FNIP1: variants seen among roughly 807,000 people sequenced by gnomAD.
FNIP1 encodes the protein folliculin-interacting protein 1.
FNIP1 carries 40 observed loss-of-function variants against 124.5 expected under a neutral mutation model. That is an observed-to-expected ratio of 0.32 (90% CI 0.25 to 0.42). FNIP1 has a LOEUF of 0.42. Ranked by LOEUF, FNIP1 falls within the 10% of genes least tolerant of loss-of-function variation. FNIP1 has a pLI of 1.00. For missense variants in FNIP1, 1,176 were observed against 1,403.7 expected (o/e 0.84, Z 2.59); for synonymous variants, 472 against 470.6 (o/e 1.00, Z -0.04).
intron 1 of FNIP1, among the ~76,000 whole-genome samples, chr5:131,790,714 A>G (rs1772381817): frequency 6.6e-6 from 1 of 152,246 alleles, no homozygotes; most frequent in African/African-American, 2.4e-5. Context: ...ACAAAGTTAC[A>G]GTCAGACCTA....
intron 3 of FNIP1, among the ~76,000 whole-genome samples, chr5:131,725,894 T>C (rs902695181): frequency 3.3e-5 from 5 of 152,092 alleles, no homozygotes; most frequent in African/African-American, 7.2e-5. Context: ...TTATTGAGAG[T>C]TTTTAGCATG....
chr5:131,711,454 G>C (rs1769288440), intron 6 of FNIP1, among the ~76,000 whole-genome samples: 3 of 152,226 alleles, frequency 2.0e-5, no homozygotes, highest in Admixed American at 1.3e-4. Context: ...AACTAGGATG[G>C]AATACGGGGC....
chr5:131,701,508 A>C (rs1768899082), intron 10 of FNIP1, among the ~76,000 whole-genome samples: 1 of 152,196 alleles, frequency 6.6e-6, no homozygotes, highest in African/African-American at 2.4e-5. Context: ...AAGAAATGTA[A>C]TCAGTGTCTA....
chr5:131,719,309 C>T lies in FNIP1; in HGVS notation c.455+8G>A. 6.3e-7 allele frequency: 1 copy of T among 1,584,894 alleles called. No individual in the cohort carries two copies. Among genetic ancestry groups the T allele is most frequent in the South Asian group, 1.2e-5 (1 of 85,524 alleles). On this transcript the variant is annotated splice_region_variant and intron_variant, in intron 4 of 17. Transcript: ENST00000510461. ...GACTCGTTAAAAAAAAATCAGAAAA[C>T]CTCTCACCGAATCTGATGAATTTTT...
intron 17 of FNIP1, among the ~76,000 whole-genome samples, chr5:131,645,669 C>T (rs1441362447): frequency 1.3e-5 from 2 of 152,106 alleles, no homozygotes; most frequent in African/African-American, 2.4e-5. Context: ...GGCCCTTTAA[C>T]CAAAAATTCT....
Position 131,710,676 on chromosome 5 carries a change from C to T in FNIP1, c.623-15G>A, listed in dbSNP as rs747734696. On this transcript the variant is annotated splice_polypyrimidine_tract_variant and intron_variant, in intron 6 of 17. Transcript: ENST00000510461. Reference sequence around the variant, plus strand: ...CTGTGAAAGACCTACATGGCAAAAACGTAAAATACACATGAAAGAGGACTG... The same window carrying T: ...CTGTGAAAGACCTACATGGCAAAAATGTAAAATACACATGAAAGAGGACTG... 11 of 1,611,080 alleles carry T rather than the reference C, an allele frequency of 6.8e-6. No individual in the cohort carries two copies. Among genetic ancestry groups the T allele is most frequent in the South Asian group, 3.3e-5 (3 of 90,572 alleles).
intron 9 of FNIP1, among the ~76,000 whole-genome samples, chr5:131,705,930 T>G (rs1438980685): frequency 2.0e-5 from 3 of 152,226 alleles, no homozygotes; most frequent in Non-Finnish European, 4.4e-5. Context: ...AGGAATGAAT[T>G]TCTGACACAT....
chr5:131,779,194 G>A (rs566675521), intron 1 of FNIP1, among the ~76,000 whole-genome samples: 81 of 150,388 alleles, frequency 5.4e-4, no homozygotes, highest in African/African-American at 1.8e-3. Flanking sequence ...TCCAAAATAT[G>A]GAACATTCTA....
intron 1 of FNIP1, among the ~76,000 whole-genome samples, chr5:131,790,643 A>G (rs1215631677): frequency 6.6e-6 from 1 of 150,680 alleles, no homozygotes; most frequent in Non-Finnish European, 1.5e-5. Context: ...AGCAAAGAAG[A>G]GAGACGTGGA....
chr5:131,735,739 C>T (rs920798714), intron 2 of FNIP1, among the ~76,000 whole-genome samples: 4 of 150,738 alleles, frequency 2.7e-5, no homozygotes, highest in Admixed American at 6.6e-5. Flanking sequence ...AGTTAACTGA[C>T]CTCTCTAAAC....
At position 131,672,353 on chromosome 5, in the gene FNIP1, T is replaced by C. The variant is rs371471279; in HGVS notation, c.2091A>G (p.Ser697=). 8 of 1,614,254 alleles carry C rather than the reference T, an allele frequency of 5.0e-6. No homozygotes were observed. The highest frequency in any genetic ancestry group is 6.8e-6 in the Non-Finnish European group (8 of 1,180,040). The change falls in exon 14 of 18, where the codon TCA becomes TCG. Residue 697 remains serine, a synonymous_variant. Coordinates refer to ENST00000510461, the MANE Select transcript of FNIP1 (RefSeq NM_133372.3). Reference sequence around the variant, plus strand: ...ATGTTTCCTCTGTTGACTCTAAGCCTGACTCTGACAATGCACATTTGTCTA... The same window carrying C: ...ATGTTTCCTCTGTTGACTCTAAGCCCGACTCTGACAATGCACATTTGTCTA... ...VPVDKCALSE[S]GLESTEETWQ...
chr5:131,743,564 A>G (rs561399518), intron 2 of FNIP1, among the ~76,000 whole-genome samples: 3 of 152,284 alleles, frequency 2.0e-5, no homozygotes, highest in African/African-American at 7.2e-5. Context: ...GGACACTGCT[A>G]TGGACTGAAT....
At chr5:131,723,962 T>C (rs1448218455) in intron 3 of FNIP1, among the ~76,000 whole-genome samples, 2 of 151,842 alleles carry the variant, frequency 1.3e-5, no homozygotes, top group Admixed American at 1.3e-4. Flanking sequence ...CATGCAGTGC[T>C]GGTTTTCTGT....
At chr5:131,747,752 G>T (rs1770729955) in intron 1 of FNIP1, among the ~76,000 whole-genome samples, 1 of 152,032 alleles carries the variant, frequency 6.6e-6, no homozygotes, top group Middle Eastern at 3.4e-3. Context: ...CAGACAACTG[G>T]TAAGAAAAAA....
At position 131,672,427 on chromosome 5, in the gene FNIP1, A is replaced by G. The variant is rs1580743193; in HGVS notation, c.2017T>C (p.Cys673Arg). The G allele has an allele frequency of 1.9e-6, 3 of 1,613,890 alleles. No homozygotes were observed. In the East Asian group the frequency reaches 6.7e-5, roughly 36 times the overall value. Reference protein sequence around the residue: ...VKQYRDKLRTCFDAKLETVVC... With the variant: ...VKQYRDKLRTRFDAKLETVVC... ...ACTGTCTCTAACTTGGCGTCAAAGC[A>G]AGTTCTTAATTTATCTCTGTACTGT... Residue 673 changes from cysteine to arginine, a missense_variant, in exon 14 of 18, where the codon TGC becomes CGC. By Grantham distance (180) the Cys-to-Arg change is radical. Transcript: ENST00000510461.
chr5:131,706,188 G>C (rs1378594951), intron 9 of FNIP1, among the ~76,000 whole-genome samples: 1 of 152,146 alleles, frequency 6.6e-6, no homozygotes, highest in Non-Finnish European at 1.5e-5. Context: ...ACAACAATAT[G>C]AAGGTATTTA....
rs59097834 is a variant in FNIP1, at chr5:131,657,736, C to CAAAAAAA, written c.3109-5744_3109-5738dup. 9.2e-4 allele frequency among the ~76,000 whole-genome samples: 60 copies of CAAAAAAA among 65,036 alleles called. 1 individual carries two copies. The highest frequency in any genetic ancestry group is 3.2e-3 in the African/African-American group (52 of 16,146). The allele number at this position is 65,036 out of a possible 152,430, so 42.7% of individuals were successfully genotyped here. A position where few individuals can be genotyped will look rare whatever the true frequency, so the allele number is the denominator to read the frequency against. ...ATGATGAAAGAGCTTGAAAATAAGG[C>CAAAAAAA]AAAAAAAAAAAAAAAAAAAAAACGG... On this transcript the variant is annotated intron_variant, in intron 15 of 17. Coordinates refer to ENST00000510461, the MANE Select transcript of FNIP1 (RefSeq NM_133372.3).
intron 2 of FNIP1, 79 bp from the exon 3 acceptor site, chr5:131,731,117 T>C (rs1280681785): frequency 3.7e-6 from 5 of 1,356,260 alleles, no homozygotes; most frequent in Non-Finnish European, 5.0e-6. Flanking sequence ...TAAAAACCTT[T>C]GGAAAAACCA....
chr5:131,708,898 G>GT (rs11419190), intron 8 of FNIP1, among the ~76,000 whole-genome samples: 15,614 of 148,568 alleles, frequency 0.11, 1,860 homozygotes, highest in African/African-American at 0.3. Flanking sequence ...AAGCAAACGT[G>GT]TTTTTTTTTT....
Sources: allele counts gnomAD v4.1 joint callset (sites outside exome capture counted in the v4.1 genomes callset), GRCh38; gene constraint gnomAD v4.1.1; transcripts MANE v1.5; gene names NCBI Gene and HGNC (gene_info 2026-07-23, HGNC 2026-07-21).